The following FUT8 variants were observed in gnomAD, a reference collection of about 807,000 sequenced individuals.
FUT8 encodes fucosyltransferase 8.
A neutral mutation model predicts 71.3 loss-of-function variants in FUT8; 29 were observed. That is an observed-to-expected ratio of 0.41 (90% CI 0.30 to 0.55). The LOEUF is 0.55. Ranked by LOEUF, FUT8 falls within the 20% of genes least tolerant of loss-of-function variation. The probability of loss-of-function intolerance (pLI) is 0.34; values close to 1 mark genes in which losing one functional copy is unlikely to be tolerated. For synonymous variants in FUT8, 254 were observed against 239.3 expected (o/e 1.06, Z -0.57); for missense variants, 544 against 702.1 (o/e 0.77, Z 2.55).
the FUT8 span, among the ~76,000 whole-genome samples, chr14:65,388,825 A>G: frequency 1.3e-5 from 2 of 152,154 alleles, no homozygotes; most frequent in Non-Finnish European, 2.9e-5. Context: ...TGGTACATCC[A>G]CATAATGGAA....
Position 65,669,918 on chromosome 14 carries a change from A to G in FUT8, c.835+438A>G, listed in dbSNP as rs1231119339. ...ATAAAACTCCATTTTCTGTTAAGGA[A>G]GGTCTAGGCTGCAGCCTGAGAGTTT... On this transcript the variant is annotated intron_variant, in intron 7 of 10. Coordinates refer to ENST00000673929, the MANE Select transcript of FUT8 (RefSeq NM_001371533.1). The surrounding 1 kb of genome is among the most constrained non-coding windows in gnomAD (Gnocchi z 4.5). Among the ~76,000 whole-genome samples the G allele has an allele frequency of 6.6e-6, 1 of 152,194 alleles. No homozygotes were observed.
At chr14:65,599,406 A>G (rs1327940013) in intron 3 of FUT8, among the ~76,000 whole-genome samples, 1 of 152,220 alleles carries the variant, frequency 6.6e-6, no homozygotes, top group South Asian at 2.1e-4. Flanking sequence ...AGTGCTTGAA[A>G]GGAGGCAAAA....
At chr14:65,376,458 T>C in the FUT8 span, among the ~76,000 whole-genome samples, 2 of 86,276 alleles carry the variant, frequency 2.3e-5, 1 homozygote, top group Non-Finnish European at 5.4e-5. Flanking sequence ...TCACACAGGC[T>C]GGAGTGCGGT....
chr14:65,468,171 A>G (rs573334990), intron 2 of FUT8: 27 of 638,654 alleles, frequency 4.2e-5, no homozygotes, highest in African/African-American at 2.5e-4. Context: ...CAGTTTTGCC[A>G]TGATAACACT....
At chr14:65,456,076 T>C (rs2065890408) in intron 2 of FUT8, among the ~76,000 whole-genome samples, 2 of 152,222 alleles carry the variant, frequency 1.3e-5, no homozygotes, top group African/African-American at 4.8e-5. Flanking sequence ...TTCTGACATT[T>C]TTAGTAGCTG....
At chr14:65,656,444 A>G (rs1341064178) in intron 6 of FUT8, among the ~76,000 whole-genome samples, 1 of 152,232 alleles carries the variant, frequency 6.6e-6, no homozygotes, top group African/African-American at 2.4e-5. Flanking sequence ...AAGGATCTCT[A>G]CAATGCAAAC....
chr14:65,536,588 C>T (rs1368151732), intron 2 of FUT8, among the ~76,000 whole-genome samples: 1 of 152,174 alleles, frequency 6.6e-6, no homozygotes, highest in African/African-American at 2.4e-5. Flanking sequence ...CCCCCAATCT[C>T]TTCTGACTTA....
intron 9 of FUT8, among the ~76,000 whole-genome samples, chr14:65,730,897 C>T (rs1895948599): frequency 6.6e-6 from 1 of 152,172 alleles, no homozygotes; most frequent in Non-Finnish European, 1.5e-5. Flanking sequence ...AAAAACAAGT[C>T]TTTAAAAGTT....
chr14:65,576,757 G>A (rs1277617276), intron 3 of FUT8, among the ~76,000 whole-genome samples: 1 of 116,166 alleles, frequency 8.6e-6, no homozygotes, highest in Non-Finnish European at 1.7e-5. Context: ...TCTAGCTTTT[G>A]TCGCCAGGAT....
chr14:65,738,487 G>T (rs1019607537), intron 10 of FUT8, among the ~76,000 whole-genome samples: 1 of 151,882 alleles, frequency 6.6e-6, no homozygotes, highest in Non-Finnish European at 1.5e-5. Context: ...ACCCATTACT[G>T]TGTGCTTTAC....
intron 7 of FUT8, among the ~76,000 whole-genome samples, chr14:65,689,542 GT>G (rs1178480195): frequency 6.6e-6 from 1 of 151,782 alleles, no homozygotes; most frequent in South Asian, 2.1e-4. Flanking sequence ...TTGTTTGTTT[GT>G]TTTTTTGTTT....
At chr14:65,481,716 A>G (rs1474739768) in intron 2 of FUT8, among the ~76,000 whole-genome samples, 5 of 152,108 alleles carry the variant, frequency 3.3e-5, no homozygotes, top group African/African-American at 7.2e-5. Flanking sequence ...CTTCTAGTAT[A>G]TACTTTTGGG....
intron 3 of FUT8, among the ~76,000 whole-genome samples, chr14:65,587,294 T>C (rs1206464405): frequency 1.3e-5 from 2 of 151,860 alleles, no homozygotes; most frequent in Non-Finnish European, 2.9e-5. Flanking sequence ...ATTCAGGAAA[T>C]AGTTATGATC....
At chr14:65,575,053 C>G (rs901654012) in intron 3 of FUT8, among the ~76,000 whole-genome samples, 2 of 151,172 alleles carry the variant, frequency 1.3e-5, no homozygotes, top group East Asian at 3.9e-4. Flanking sequence ...ATTCTTTTTC[C>G]TCTTCATTCC....
chr14:65,515,751 T>C (rs551453561), intron 2 of FUT8, among the ~76,000 whole-genome samples: 35 of 152,268 alleles, frequency 2.3e-4, no homozygotes, highest in African/African-American at 8.4e-4. Context: ...GTGTGGTACA[T>C]TGTATTGAAG....
chr14:65,535,775 C>G (rs1431543803), intron 2 of FUT8, among the ~76,000 whole-genome samples: 4 of 152,130 alleles, frequency 2.6e-5, no homozygotes, highest in African/African-American at 9.7e-5. Flanking sequence ...GGGTAGAGTT[C>G]TATAGATGTC....
chr14:65,698,727 C>T (rs1894126156), intron 7 of FUT8, among the ~76,000 whole-genome samples: 1 of 152,130 alleles, frequency 6.6e-6, no homozygotes, highest in Non-Finnish European at 1.5e-5. Context: ...GCGATCATTT[C>T]CTATAGCAAA....
chr14:65,455,082 T>G (rs2065877804), intron 1 of FUT8, among the ~76,000 whole-genome samples: 1 of 152,100 alleles, frequency 6.6e-6, no homozygotes, highest in South Asian at 2.1e-4. Context: ...AAAATCCCTG[T>G]TTTTTAAAAA....
intron 7 of FUT8, among the ~76,000 whole-genome samples, chr14:65,704,778 C>CAGACA (rs1894476409): frequency 1.3e-5 from 2 of 152,174 alleles, no homozygotes; most frequent in Non-Finnish European, 2.9e-5. Flanking sequence ...ATGAAGCAAA[C>CAGACA]AAATCTCTTT....
Sources: gnomAD v4.1 joint callset for allele counts (sites outside exome capture counted in the v4.1 genomes callset) on GRCh38, gnomAD v4.1.1 for gene constraint, Gnocchi (gnomAD v3.1) non-coding constraint, MANE v1.5 for transcripts, NCBI Gene and HGNC (gene_info 2026-07-23, HGNC 2026-07-21) for gene names.